GALNT13: variants seen among roughly 807,000 people sequenced by gnomAD.
GALNT13 encodes UDP-GalNAc:polypeptide N-acetylgalactosaminyltransferase 13.
In GALNT13, 28 loss-of-function variants were observed where a neutral mutation model predicts 64.2. The ratio of observed to expected loss-of-function variants is 0.44; its 90% CI spans 0.32 to 0.60. The LOEUF (loss-of-function observed/expected upper bound fraction) is 0.60. Ranked by LOEUF, GALNT13 falls within the 20% of genes least tolerant of loss-of-function variation. GALNT13 has a pLI of 0.05. For synonymous variants in GALNT13, 214 were observed against 224.6 expected (o/e 0.95, Z 0.42); for missense variants, 577 against 669.8 (o/e 0.86, Z 1.53).
rs536487636 is a variant in GALNT13 at position 153,924,762 on chromosome 2, G to A, written c.-104-19632G>A. Among the ~76,000 whole-genome samples the A allele has an allele frequency of 2.0e-5, 3 of 152,206 alleles. No individual in the cohort carries two copies. The East Asian group carries it at 5.8e-4, about 29-fold the overall frequency. ...TTTAATAATAGCCATTCTTATTGGT[G>A]TGAGATGATATCTCACTGTGTTTTT... On this transcript the variant is annotated intron_variant, in intron 2 of 12. Coordinates refer to ENST00000392825, the MANE Select transcript of GALNT13 (RefSeq NM_052917.4).
chr2:154,257,055 G>A (rs1467265341), intron 7 of GALNT13, among the ~76,000 whole-genome samples: 4 of 152,044 alleles, frequency 2.6e-5, no homozygotes, highest in Admixed American at 2.0e-4. Flanking sequence ...ATCTGAGAGA[G>A]CTAACTGATA....
chr2:154,024,764 G>A (rs150790890), intron 3 of GALNT13, among the ~76,000 whole-genome samples: 1,773 of 152,182 alleles, frequency 0.012, 19 homozygotes, highest in Non-Finnish European at 0.019. Context: ...AGGAGGAGAG[G>A]CACTCTGATT....
chr2:153,831,487 C>T, the GALNT13 span, among the ~76,000 whole-genome samples: 1 of 152,130 alleles, frequency 6.6e-6, no homozygotes, highest in Non-Finnish European at 1.5e-5. Context: ...TTGGTAGCAG[C>T]AATTCCTTCT....
chr2:153,423,361 T>G, the GALNT13 span: 1 of 151,832 alleles, frequency 6.6e-6, no homozygotes, highest in Non-Finnish European at 1.5e-5. Context: ...AGGGACCCTA[T>G]TTAATATGAA....
rs116197660 is a variant in GALNT13, at chr2:154,355,213, C to A, written c.1157-40778C>A. On this transcript the variant is annotated intron_variant, in intron 9 of 12. Coordinates refer to ENST00000392825, the MANE Select transcript of GALNT13 (RefSeq NM_052917.4). Reference sequence around the variant, plus strand: ...GTAGATATTCATACCTGACCAAGTACTTTTGGATGTGCCATCTCATTTAAT... The same window carrying A: ...GTAGATATTCATACCTGACCAAGTAATTTTGGATGTGCCATCTCATTTAAT... Among the ~76,000 whole-genome samples, 426 of 152,162 alleles carry A rather than the reference C, an allele frequency of 2.8e-3. 3 individuals are homozygous for A. Among genetic ancestry groups the A allele is most frequent in the African/African-American group, 9.6e-3 (398 of 41,532 alleles).
chr2:153,633,481 T>C, the GALNT13 span, among the ~76,000 whole-genome samples: 1 of 152,200 alleles, frequency 6.6e-6, no homozygotes, highest in African/African-American at 2.4e-5. Flanking sequence ...TAAGAATGTT[T>C]CATATAGATA....
chr2:154,380,116 G>T (rs799787), intron 9 of GALNT13, among the ~76,000 whole-genome samples: 150,543 of 152,168 alleles, frequency 0.99, 74,491 homozygotes, highest in Middle Eastern at 1. Flanking sequence ...TATTTATCAG[G>T]TTTTTGACAC....
chr2:153,999,409 A>C (rs2105215424), intron 3 of GALNT13, among the ~76,000 whole-genome samples: 1 of 152,072 alleles, frequency 6.6e-6, no homozygotes, highest in Middle Eastern at 3.4e-3. Context: ...TAGAGGAAAA[A>C]CTATAAACTT....
the GALNT13 span, among the ~76,000 whole-genome samples, chr2:153,522,253 A>G: frequency 6.6e-6 from 1 of 151,914 alleles, no homozygotes; most frequent in Non-Finnish European, 1.5e-5. Context: ...GAATCGTTTG[A>G]ACCTGGGAGG....
At chr2:153,577,590 C>T in the GALNT13 span, among the ~76,000 whole-genome samples, 9 of 152,026 alleles carry the variant, frequency 5.9e-5, no homozygotes, top group Admixed American at 2.6e-4. Context: ...TTCAGATGCC[C>T]CCTCTCTTAA....
rs1178598934 is a variant in GALNT13 at position 154,043,415 on chromosome 2, TATATATATATATATATATATATA to T, written c.143-96921_143-96899del. Among the ~76,000 whole-genome samples the T allele has an allele frequency of 1.3e-4, 11 of 83,630 alleles. 2 individuals are homozygous for T. The highest frequency in any genetic ancestry group is 7.1e-4 in the Admixed American group (5 of 7,034). The allele number at this position is 83,630 out of a possible 152,430, so 54.9% of individuals were successfully genotyped here. A position where few individuals can be genotyped will look rare whatever the true frequency, so the allele number is the denominator to read the frequency against. ...CTGTCAACACTACTATAAGGACTTT[TATATATATATATATATATATATA>T]TATATATATATATATATACACACAT... On this transcript the variant is annotated intron_variant, in intron 3 of 12. Transcript: ENST00000392825.
the GALNT13 span, among the ~76,000 whole-genome samples, chr2:153,198,595 C>A: frequency 1.3e-5 from 2 of 152,186 alleles, no homozygotes; most frequent in Admixed American, 6.5e-5. Flanking sequence ...CTCTAGTCAG[C>A]CATCTGGCAC....
In GALNT13 at chr2:154,245,888, T is replaced by C. The variant is rs769753479; in HGVS notation, c.763T>C (p.Tyr255His). 5 of 1,612,856 alleles carry C rather than the reference T, an allele frequency of 3.1e-6. No individual in the cohort carries two copies. The African/African-American group carries it at 6.7e-5, about 22-fold the overall frequency. ...FEYMAGSDMTYGGFNWKLNFR... is the reference protein window; with the variant it reads ...FEYMAGSDMTHGGFNWKLNFR... ...ATATATGGCTGGGTCAGACATGACT[T>C]ATGGGGGTTTTAACTGGAAACTGAA... The change falls in exon 7 of 13, where the codon TAT (tyrosine) becomes CAT (histidine). Residue 255 changes from tyrosine to histidine, a missense_variant. This residue lies in a region of GALNT13 where 341 missense variants were observed against 379.3 expected (regional missense o/e 0.90). Transcript: ENST00000392825.
the GALNT13 span, among the ~76,000 whole-genome samples, chr2:153,460,834 G>A: frequency 3.4e-3 from 518 of 152,250 alleles, 5 homozygotes; most frequent in African/African-American, 0.012. Context: ...TTCAGCCACA[G>A]ATACATCATT....
At chr2:153,082,630 C>T in the GALNT13 span, among the ~76,000 whole-genome samples, 1,248 of 44,930 alleles carry the variant, frequency 0.028, 27 homozygotes, top group Non-Finnish European at 0.04. Context: ...CACACACACA[C>T]ACACACACAC....
intron 11 of GALNT13, among the ~76,000 whole-genome samples, chr2:154,411,607 TA>T (rs1456588972): frequency 6.6e-6 from 1 of 151,802 alleles, no homozygotes; most frequent in East Asian, 1.9e-4. Flanking sequence ...TCTGTATATT[TA>T]TATGGATGCT....
intron 4 of GALNT13, among the ~76,000 whole-genome samples, chr2:154,166,946 GAA>G (rs1277438320): frequency 6.6e-6 from 1 of 151,626 alleles, no homozygotes; most frequent in African/African-American, 2.4e-5. Context: ...ATGGACACAG[GAA>G]GGGGAACATC....
At chr2:153,671,584 C>A in the GALNT13 span, among the ~76,000 whole-genome samples, 1 of 152,260 alleles carries the variant, frequency 6.6e-6, no homozygotes, top group African/African-American at 2.4e-5. Context: ...CCGGTACTAG[C>A]CACTGCAAAA....
chr2:153,738,094 T>C, the GALNT13 span, among the ~76,000 whole-genome samples: 1 of 152,044 alleles, frequency 6.6e-6, no homozygotes, highest in Admixed American at 6.6e-5. Flanking sequence ...TTTATTTTTC[T>C]GAATCTTTTT....
Sources: gnomAD v4.1 joint callset for allele counts (sites outside exome capture counted in the v4.1 genomes callset) on GRCh38, gnomAD v4.1.1 for gene constraint, gnomAD v4.1.1 regional missense constraint, MANE v1.5 for transcripts, NCBI Gene and HGNC (gene_info 2026-07-23, HGNC 2026-07-21) for gene names.